CCND3: variants seen among roughly 807,000 people sequenced by gnomAD.
CCND3 encodes cyclin D3.
In CCND3, 9 loss-of-function variants were observed where a neutral mutation model predicts 28.7. That is an observed-to-expected ratio of 0.31 (90% confidence interval 0.19 to 0.55). The LOEUF is 0.55. Ranked by LOEUF, CCND3 falls within the 20% of genes least tolerant of loss-of-function variation. The probability of loss-of-function intolerance (pLI) is 0.93; values close to 1 mark genes in which losing one functional copy is unlikely to be tolerated. For synonymous variants in CCND3, 164 were observed against 163.9 expected (o/e 1.00, Z 0.00); for missense variants, 315 against 385.8 (o/e 0.82, Z 1.54).
chr6:42,037,908 G>C (rs1250796901), intron 1 of CCND3, among the ~76,000 whole-genome samples: 1 of 151,676 alleles, frequency 6.6e-6, no homozygotes. Context: ...GCACATGCCT[G>C]TAATCCCAGC....
intron 1 of CCND3, among the ~76,000 whole-genome samples, chr6:41,990,867 G>T (rs905653352): frequency 2.0e-5 from 3 of 151,654 alleles, no homozygotes; most frequent in African/African-American, 7.3e-5. Context: ...TTTTAGTAGA[G>T]TCGGAGTTTC....
upstream of CCND3, among the ~76,000 whole-genome samples, chr6:41,943,171 T>G (rs1472929716): frequency 6.6e-6 from 1 of 152,194 alleles, no homozygotes; most frequent in Non-Finnish European, 1.5e-5. Flanking sequence ...CGAATTATTC[T>G]TTCTTATATT....
intron 1 of CCND3, among the ~76,000 whole-genome samples, chr6:42,022,670 G>A (rs1320603718): frequency 6.6e-6 from 1 of 152,262 alleles, no homozygotes; most frequent in East Asian, 1.9e-4. Context: ...AGCAGTCACA[G>A]GTGGCCTCTG....
At chr6:41,953,061 CG>C (rs560547766) in intron 1 of CCND3, among the ~76,000 whole-genome samples, 197 of 152,052 alleles carry the variant, frequency 1.3e-3, no homozygotes, top group African/African-American at 4.4e-3. Flanking sequence ...CACCTGAGGT[CG>C]GGAGTTTAAG....
chr6:41,967,831 C>T (rs188880766), intron 1 of CCND3, among the ~76,000 whole-genome samples: 77 of 152,268 alleles, frequency 5.1e-4, no homozygotes, highest in Middle Eastern at 3.4e-3. Context: ...TCAGACACAC[C>T]CTGGTGGTTC....
At chr6:42,021,543 G>A (rs1763713423) in intron 1 of CCND3, among the ~76,000 whole-genome samples, 1 of 152,172 alleles carries the variant, frequency 6.6e-6, no homozygotes, top group Non-Finnish European at 1.5e-5. Context: ...GTCTAGTAAG[G>A]ACAATAATAG....
rs114712655 is a variant in CCND3 at position 41,968,556 on chromosome 6, G to A, written c.-45-27971C>T. 7.1e-3 allele frequency among the ~76,000 whole-genome samples: 1,080 copies of A among 151,966 alleles called. 15 individuals carry two copies. Among genetic ancestry groups the A allele is most frequent in the African/African-American group, 0.024 (993 of 41,432 alleles). ...GATTACACCATGGTACTCCAGCCTG[G>A]GTGACAAAGCAAGACTCCATCTCTA... On this transcript the variant is annotated intron_variant, in intron 1 of 4. Transcript: ENST00000372988.
intron 1 of CCND3, among the ~76,000 whole-genome samples, chr6:41,948,732 C>T (rs571411617): frequency 6.6e-6 from 1 of 151,498 alleles, no homozygotes; most frequent in South Asian, 2.1e-4. Flanking sequence ...CCCAGCTACT[C>T]AGTAGGCTAA....
chr6:41,976,077 C>T (rs530901119), intron 1 of CCND3, among the ~76,000 whole-genome samples: 14 of 152,192 alleles, frequency 9.2e-5, no homozygotes, highest in African/African-American at 2.6e-4. Context: ...TCTGGCCGGG[C>T]GCTGTGGCTC....
At chr6:41,988,731 C>T (rs1762560553) in intron 1 of CCND3, among the ~76,000 whole-genome samples, 2 of 130,832 alleles carry the variant, frequency 1.5e-5, no homozygotes, top group Admixed American at 9.2e-5. Flanking sequence ...CGGAGTCTGG[C>T]TCTGTCGCCC....
At chr6:42,044,197 G>C (rs1335701932) in intron 1 of CCND3, among the ~76,000 whole-genome samples, 6 of 152,276 alleles carry the variant, frequency 3.9e-5, no homozygotes, top group Non-Finnish European at 7.3e-5. Context: ...TCTGGCCGGA[G>C]CCTGGACAAG....
chr6:41,940,993 T>A (rs1372921864), intron 1 of CCND3: 1 of 1,612,544 alleles, frequency 6.2e-7, no homozygotes, highest in Non-Finnish European at 8.5e-7. Flanking sequence ...CCTCCTGCAC[T>A]TTTCATTTCC....
chr6:41,995,001 G>A (rs1264061449), intron 1 of CCND3, among the ~76,000 whole-genome samples: 3 of 151,988 alleles, frequency 2.0e-5, no homozygotes, highest in African/African-American at 7.3e-5. Flanking sequence ...GAACCCAGGA[G>A]GCGGAGGTTG....
chr6:42,045,364 G>A (rs903300883), intron 1 of CCND3, among the ~76,000 whole-genome samples: 3 of 152,174 alleles, frequency 2.0e-5, no homozygotes, highest in Non-Finnish European at 2.9e-5. Context: ...TTGCCTTTCT[G>A]AGCCTCAGTT....
intron 1 of CCND3, among the ~76,000 whole-genome samples, chr6:41,985,402 C>T (rs535725941): frequency 1.3e-5 from 2 of 151,050 alleles, no homozygotes; most frequent in South Asian, 4.2e-4. Flanking sequence ...CAACCTCCGC[C>T]TCCCGGGTCC....
At chr6:42,020,358 T>G (rs1763669432) in intron 1 of CCND3, among the ~76,000 whole-genome samples, 1 of 152,240 alleles carries the variant, frequency 6.6e-6, no homozygotes, top group Non-Finnish European at 1.5e-5. Context: ...CTAGCCCTTC[T>G]TGGCGCCTGC....
chr6:41,948,777 C>T (rs1017395246), intron 1 of CCND3, among the ~76,000 whole-genome samples: 3 of 149,362 alleles, frequency 2.0e-5, no homozygotes, highest in Non-Finnish European at 4.4e-5. Flanking sequence ...ACCCGGGAAG[C>T]GGAGGTTGCA....
At chr6:41,995,907 T>A (rs1268200812) in intron 1 of CCND3, among the ~76,000 whole-genome samples, 1 of 151,590 alleles carries the variant, frequency 6.6e-6, no homozygotes, top group Non-Finnish European at 1.5e-5. Context: ...TTAATAATAC[T>A]AAAAATTTTA....
At chr6:41,986,356 G>C (rs1348603564) in intron 1 of CCND3, among the ~76,000 whole-genome samples, 2 of 130,746 alleles carry the variant, frequency 1.5e-5, no homozygotes, top group Non-Finnish European at 3.2e-5. Context: ...TGCTCTGTAG[G>C]TAACGTCAGG....
Sources: allele counts gnomAD v4.1 joint callset (sites outside exome capture counted in the v4.1 genomes callset), GRCh38; gene constraint gnomAD v4.1.1; transcripts MANE v1.5; gene names NCBI Gene and HGNC (gene_info 2026-07-23, HGNC 2026-07-21).